Variants in UNC13B observed in about 807,000 individuals in gnomAD.
The protein encoded by UNC13B is protein unc-13 homolog B.
UNC13B carries 144 observed loss-of-function variants against 211.0 expected under a neutral mutation model. The ratio of observed to expected loss-of-function variants is 0.68; its 90% CI spans 0.60 to 0.78. The LOEUF (loss-of-function observed/expected upper bound fraction) is 0.78, where lower values mean the gene tolerates loss of function less well. Ranked by LOEUF, UNC13B falls within the 30% of genes least tolerant of loss-of-function variation. The pLI is 0.00. For missense variants in UNC13B, 1,777 were observed against 2,002.0 expected (o/e 0.89, Z 2.14); for synonymous variants, 709 against 725.8 (o/e 0.98, Z 0.37).
At chr9:35,232,254 T>C (rs1166913411) in intron 3 of UNC13B, among the ~76,000 whole-genome samples, 3 of 143,296 alleles carry the variant, frequency 2.1e-5, no homozygotes, top group Non-Finnish European at 3.0e-5. Flanking sequence ...GATCATAGTT[T>C]ACTGCAGCCT....
intron 7 of UNC13B, among the ~76,000 whole-genome samples, chr9:35,266,018 G>A (rs1056094526): frequency 1.3e-5 from 2 of 151,994 alleles, no homozygotes; most frequent in Non-Finnish European, 2.9e-5. Context: ...GGCCAGGCTG[G>A]TCTTGAACTC....
chr9:35,364,909 G>A (rs1217096991), intron 11 of UNC13B, among the ~76,000 whole-genome samples: 1 of 152,204 alleles, frequency 6.6e-6, no homozygotes, highest in Non-Finnish European at 1.5e-5. Context: ...AGCTCAGTGT[G>A]TGTCCATTTT....
chr9:35,384,862 C>G lies in UNC13B; in HGVS notation c.10875+548C>G, dbSNP rs944972866. 1.3e-5 allele frequency: 9 copies of G among 689,608 alleles called. No homozygotes were observed. The East Asian group carries it at 4.0e-4, about 31-fold the overall frequency. 42.7% of individuals were successfully genotyped at this position (689,608 alleles called of 1,614,324 possible). ...GGAAATGGGCAGTTTCTTAGTTCCT[C>G]CTATGTTAGATCTTAGAAATGGCTT... On this transcript the variant is annotated intron_variant, in intron 22 of 39. Transcript: ENST00000635942.
chr9:35,197,423 G>T (rs1306205482), intron 1 of UNC13B, among the ~76,000 whole-genome samples: 3 of 152,088 alleles, frequency 2.0e-5, no homozygotes, highest in African/African-American at 7.2e-5. Flanking sequence ...GGCCAGGCTG[G>T]TCTTGAACTC....
chr9:35,270,082 T>C (rs915511321), intron 7 of UNC13B, among the ~76,000 whole-genome samples: 5 of 152,236 alleles, frequency 3.3e-5, no homozygotes, highest in African/African-American at 7.2e-5. Context: ...CAAGCTCATC[T>C]TGTACTTTGC....
chr9:35,210,407 A>C (rs1823903238), intron 1 of UNC13B, among the ~76,000 whole-genome samples: 1 of 152,254 alleles, frequency 6.6e-6, no homozygotes, highest in Non-Finnish European at 1.5e-5. Context: ...CAGTGCAGAC[A>C]CAGAATTCCT....
intron 6 of UNC13B, among the ~76,000 whole-genome samples, chr9:35,255,721 C>G (rs745698452): frequency 6.6e-6 from 1 of 151,918 alleles, no homozygotes; most frequent in Non-Finnish European, 1.5e-5. Flanking sequence ...ATCTCAAGCA[C>G]GGATCTTAGG....
At chr9:35,315,092 G>C (rs556169476) in intron 11 of UNC13B, among the ~76,000 whole-genome samples, 1 of 143,738 alleles carries the variant, frequency 7.0e-6, no homozygotes, top group East Asian at 2.0e-4. Context: ...GGGTCTTGCT[G>C]TATTGCCCAG....
At chr9:35,166,198 G>A (rs190972184) in intron 1 of UNC13B, among the ~76,000 whole-genome samples, 288 of 152,058 alleles carry the variant, frequency 1.9e-3, no homozygotes, top group Admixed American at 3.3e-3. Flanking sequence ...CCTGGCCAAC[G>A]TGGTGAAACC....
chr9:35,392,544 A>C (rs899383796), intron 26 of UNC13B, among the ~76,000 whole-genome samples: 1 of 151,706 alleles, frequency 6.6e-6, no homozygotes, highest in African/African-American at 2.4e-5. Context: ...ATTGACTCTG[A>C]CTAAACCAAA....
chr9:35,215,309 G>A (rs1373000948), intron 1 of UNC13B, among the ~76,000 whole-genome samples: 2 of 152,106 alleles, frequency 1.3e-5, no homozygotes, highest in African/African-American at 4.8e-5. Flanking sequence ...AGTCTGAGGT[G>A]GGAGGATTAT....
At chr9:35,318,910 C>T (rs1390771406) in intron 11 of UNC13B, among the ~76,000 whole-genome samples, 1 of 152,162 alleles carries the variant, frequency 6.6e-6, no homozygotes, top group Non-Finnish European at 1.5e-5. Flanking sequence ...GTTGTCTTCT[C>T]TCTGCAATCC....
chr9:35,181,693 C>G (rs1258369621), intron 1 of UNC13B, among the ~76,000 whole-genome samples: 1 of 152,016 alleles, frequency 6.6e-6, no homozygotes, highest in Non-Finnish European at 1.5e-5. Context: ...AAAAATTAGC[C>G]TGGCATGGTG....
At chr9:35,356,512 A>G (rs368547416) in intron 11 of UNC13B, among the ~76,000 whole-genome samples, 2 of 152,140 alleles carry the variant, frequency 1.3e-5, no homozygotes, top group African/African-American at 4.8e-5. Context: ...ATATTGCCAA[A>G]CTAATGGTTC....
intron 24 of UNC13B, among the ~76,000 whole-genome samples, chr9:35,389,196 T>C (rs1056403737): frequency 6.6e-6 from 1 of 152,142 alleles, no homozygotes; most frequent in African/African-American, 2.4e-5. Context: ...TATAGAGTGA[T>C]TTCTCTTTAC....
rs60255951 is a variant in UNC13B at position 35,175,862 on chromosome 9, T to C, written c.22+13557T>C. 2.4e-3 allele frequency among the ~76,000 whole-genome samples: 361 copies of C among 148,962 alleles called. 1 individual carries two copies. Among genetic ancestry groups the C allele is most frequent in the Middle Eastern group, 6.9e-3 (2 of 290 alleles). ...TGAAACCCCGTCTCTACTAAAAATA[T>C]ATAAAAAAAAAAAATTAGCCAGACA... is the stretch of plus-strand genomic sequence containing the variant. On this transcript the variant is annotated intron_variant, in intron 1 of 39. Coordinates refer to ENST00000635942, the MANE Select transcript of UNC13B (RefSeq NM_001371189.2).
Sources: allele counts gnomAD v4.1 joint callset (sites outside exome capture counted in the v4.1 genomes callset), GRCh38; gene constraint gnomAD v4.1.1; transcripts MANE v1.5; gene names NCBI Gene and HGNC (gene_info 2026-07-23, HGNC 2026-07-21).